Variants in CAMSAP2 observed in about 807,000 individuals in gnomAD.
The protein encoded by CAMSAP2 is calmodulin-regulated spectrin-associated protein 2.
A neutral mutation model predicts 146.1 loss-of-function variants in CAMSAP2; 26 were observed. The observed-to-expected ratio is 0.18, with a 90% CI of 0.13 to 0.25. The LOEUF is 0.25. Ranked by LOEUF, CAMSAP2 falls within the 10% of genes least tolerant of loss-of-function variation. CAMSAP2 has a pLI of 1.00. For synonymous variants in CAMSAP2, 499 were observed against 596.6 expected (o/e 0.84, Z 2.38); for missense variants, 1,381 against 1,759.3 (o/e 0.78, Z 3.85).
chr1:200,794,772 T>TA (rs1665841342), intron 2 of CAMSAP2, among the ~76,000 whole-genome samples: 1 of 152,216 alleles, frequency 6.6e-6, no homozygotes. Context: ...ATGCTCTAAT[T>TA]AGAGTCCCAT....
At chr1:200,769,227 G>T (rs1216220864) in intron 2 of CAMSAP2, among the ~76,000 whole-genome samples, 1 of 152,056 alleles carries the variant, frequency 6.6e-6, no homozygotes, top group Non-Finnish European at 1.5e-5. Flanking sequence ...CCTAATAGTG[G>T]TAAATGACAA....
chr1:200,841,382 G>T lies in CAMSAP2; in HGVS notation c.928-612G>T, dbSNP rs138420631. ...CTACCTCAGCCTCTCAAGTAGCTAG[G>T]ATTACAGGCACGCGCCACCACACCC... is the stretch of plus-strand genomic sequence containing the variant. On this transcript the variant is annotated intron_variant, in intron 6 of 16. Transcript: ENST00000358823. 7.4e-3 allele frequency among the ~76,000 whole-genome samples: 1,129 copies of T among 152,220 alleles called. 12 individuals carry two copies. Among genetic ancestry groups the T allele is most frequent in the Middle Eastern group, 0.044 (13 of 294 alleles).
At chr1:200,805,528 A>G (rs1467643499) in intron 2 of CAMSAP2, among the ~76,000 whole-genome samples, 2 of 152,244 alleles carry the variant, frequency 1.3e-5, no homozygotes, top group African/African-American at 4.8e-5. Context: ...GCTCATTAGC[A>G]TCACCTGGGG....
rs550538795 is a variant in CAMSAP2 at position 200,841,834 on chromosome 1, C to T, written c.928-160C>T. 1.8e-3 allele frequency among the ~76,000 whole-genome samples: 280 copies of T among 152,228 alleles called. 2 individuals are homozygous for T. In the South Asian group the frequency reaches 0.019, roughly 10 times the overall value. On this transcript the variant is annotated intron_variant, in intron 6 of 16. Transcript: ENST00000358823. Reference sequence around the variant, plus strand: ...GGTTTTGAATAGTTATAATTTTTACCCACAAGAGTTAATATTCCATCCCAT... The same window carrying T: ...GGTTTTGAATAGTTATAATTTTTACTCACAAGAGTTAATATTCCATCCCAT...
rs1171205358 is a variant in CAMSAP2 at position 200,858,569 on chromosome 1, T to G, written c.*510T>G. ...CCTTTAGAAGTAACTCGCACCTTTCTTATGATGTTAAGAGAAACACTAGTG... is the reference window on the plus strand; with the variant it reads ...CCTTTAGAAGTAACTCGCACCTTTCGTATGATGTTAAGAGAAACACTAGTG... On this transcript the variant is annotated 3_prime_UTR_variant, in exon 17 of 17. Transcript: ENST00000358823. 6.5e-6 allele frequency: 1 copy of G among 152,754 alleles called. No individual in the cohort carries two copies. Among genetic ancestry groups the G allele is most frequent in the Non-Finnish European group, 1.5e-5 (1 of 67,994 alleles). 9.5% of individuals were successfully genotyped at this position (152,754 alleles called of 1,614,324 possible).
chr1:200,743,933 T>C (rs897917513), intron 1 of CAMSAP2, among the ~76,000 whole-genome samples: 1 of 133,402 alleles, frequency 7.5e-6, no homozygotes, highest in African/African-American at 2.8e-5. Flanking sequence ...AGAGCAAGAC[T>C]CTGTCTCAAT....
Position 200,849,395 on chromosome 1 carries a change from G to A in CAMSAP2, c.2626G>A (p.Glu876Lys). 1 of 1,614,074 alleles carries A rather than the reference G, an allele frequency of 6.2e-7. No homozygotes were observed. Among genetic ancestry groups the A allele is most frequent in the Non-Finnish European group, 8.5e-7 (1 of 1,179,990 alleles). Reference protein sequence around the residue: ...SPSEETLNEGEILEYTKSIEK... With the variant: ...SPSEETLNEGKILEYTKSIEK... ...CTCAGAAGAAACTTTAAATGAAGGA[G>A]AGATTTTAGAATATACCAAATCCAT... is the stretch of plus-strand genomic sequence containing the variant. Residue 876 changes from glutamate to lysine, a missense_variant, in exon 11 of 17, where the codon GAG (glutamate) becomes AAG (lysine). This residue lies in a region of CAMSAP2 where 560 missense variants were observed against 715.9 expected (regional missense o/e 0.78). Transcript: ENST00000358823. This position sits in a 1 kb window ranked among gnomAD's most constrained non-coding sequence, Gnocchi z 6.3.
intron 4 of CAMSAP2, among the ~76,000 whole-genome samples, chr1:200,826,654 G>A (rs1165393778): frequency 6.6e-6 from 1 of 152,158 alleles, no homozygotes; most frequent in Admixed American, 6.5e-5. Context: ...ATTATTTGGA[G>A]AGTATTAATG....
intron 4 of CAMSAP2, among the ~76,000 whole-genome samples, chr1:200,816,746 G>GCGTGTATATATGTGTGTACACACACA (rs1666516877): frequency 1.3e-5 from 1 of 76,068 alleles, no homozygotes; most frequent in Non-Finnish European, 2.1e-5. Flanking sequence ...ACACACACAC[G>GCGTGTATATATGTGTGTACACACACA]CGTGTATATA....
intron 2 of CAMSAP2, among the ~76,000 whole-genome samples, chr1:200,796,926 G>A (rs1242003789): frequency 6.6e-6 from 1 of 151,798 alleles, no homozygotes; most frequent in African/African-American, 2.4e-5. Context: ...GCGGTGTTTG[G>A]TTTTTTGTTC....
intron 4 of CAMSAP2, among the ~76,000 whole-genome samples, chr1:200,824,615 T>C (rs995066194): frequency 1.3e-5 from 2 of 152,184 alleles, no homozygotes; most frequent in Admixed American, 1.3e-4. Flanking sequence ...TAATATATTT[T>C]ACTTATTTGC....
intron 4 of CAMSAP2, among the ~76,000 whole-genome samples, chr1:200,816,918 G>A (rs554665356): frequency 1.3e-5 from 1 of 74,830 alleles, no homozygotes; most frequent in Non-Finnish European, 2.6e-5. Context: ...GCGTGTGTAT[G>A]TGTGTACACA....
intron 2 of CAMSAP2, among the ~76,000 whole-genome samples, chr1:200,786,486 C>T (rs573029630): frequency 3.3e-5 from 5 of 151,912 alleles, no homozygotes; most frequent in South Asian, 4.1e-4. Context: ...CGGGTTCAAG[C>T]GTTTCTCCAT....
At chr1:200,826,843 A>G (rs991160993) in intron 4 of CAMSAP2, among the ~76,000 whole-genome samples, 2 of 151,804 alleles carry the variant, frequency 1.3e-5, no homozygotes, top group Non-Finnish European at 2.9e-5. Context: ...GTTTTAAAAA[A>G]CCCTTTGTTT....
intron 1 of CAMSAP2, among the ~76,000 whole-genome samples, chr1:200,747,277 G>A (rs1255497996): frequency 6.6e-6 from 1 of 152,178 alleles, no homozygotes; most frequent in Non-Finnish European, 1.5e-5. Context: ...GCTAGGCATA[G>A]GGTAATTAGA....
chr1:200,756,025 G>A (rs1664638279), intron 1 of CAMSAP2, among the ~76,000 whole-genome samples: 1 of 152,210 alleles, frequency 6.6e-6, no homozygotes, highest in Non-Finnish European at 1.5e-5. Context: ...AACAGGAAGA[G>A]TTGGGTGTTT....
At chr1:200,842,172 A>C (rs1667339986) in intron 7 of CAMSAP2, 85 bp downstream of exon 7, 1 of 969,552 alleles carries the variant, frequency 1.0e-6, no homozygotes. Flanking sequence ...ACATTTTTAG[A>C]AATCAGCCTA....
chr1:200,784,736 G>T (rs1665537431), intron 2 of CAMSAP2, among the ~76,000 whole-genome samples: 1 of 152,148 alleles, frequency 6.6e-6, no homozygotes, highest in South Asian at 2.1e-4. Context: ...TATGTGGTCT[G>T]CTCCCCGCTT....
rs958139553 is a variant in CAMSAP2 at position 200,860,005 on chromosome 1, A to C, written c.*1946A>C. On this transcript the variant is annotated 3_prime_UTR_variant, in exon 17 of 17. Coordinates refer to ENST00000358823, the MANE Select transcript of CAMSAP2 (RefSeq NM_203459.4). ...TTCGCTATTAAATAAAGAAAATTGGATGCAAGACAATGGAGAAACTTTAAA... is the reference window on the plus strand; with the variant it reads ...TTCGCTATTAAATAAAGAAAATTGGCTGCAAGACAATGGAGAAACTTTAAA... The C allele has an allele frequency of 6.5e-6, 1 of 152,738 alleles. No homozygotes were observed. The highest frequency in any genetic ancestry group is 2.4e-5 in the African/African-American group (1 of 41,472). The allele number at this position is 152,738 out of a possible 1,614,324, so 9.5% of individuals were successfully genotyped here.
Sources: allele counts gnomAD v4.1 joint callset (sites outside exome capture counted in the v4.1 genomes callset), GRCh38; gene constraint gnomAD v4.1.1; regional missense constraint gnomAD v4.1.1; non-coding constraint Gnocchi (gnomAD v3.1); transcripts MANE v1.5; gene names NCBI Gene and HGNC (gene_info 2026-07-23, HGNC 2026-07-21).